The following UNC13C variants were observed in gnomAD, a reference collection of about 807,000 sequenced individuals.
UNC13C encodes unc-13 homolog C.
In UNC13C, 174 loss-of-function variants were observed where a neutral mutation model predicts 245.4. The observed-to-expected ratio is 0.71, with a 90% CI of 0.63 to 0.80. The LOEUF is 0.80. UNC13C is among the 30% of genes least tolerant of loss of function. The pLI, the probability that UNC13C is intolerant of heterozygous loss-of-function variation, is 0.00. For synonymous variants in UNC13C, 992 were observed against 895.1 expected, an observed-to-expected ratio of 1.11 and a Z score of -1.93; for missense variants, 2,829 against 2,602.9, an observed-to-expected ratio of 1.09 and a Z score of -1.89.
At chr15:54,481,553 A>G (rs567678108) in intron 19 of UNC13C, among the ~76,000 whole-genome samples, 1 of 152,220 alleles carries the variant, frequency 6.6e-6, no homozygotes, top group South Asian at 2.1e-4. Context: ...ACATGCAAGT[A>G]CTGGTTGCAG....
the UNC13C span, among the ~76,000 whole-genome samples, chr15:53,886,378 G>T: frequency 6.6e-6 from 1 of 152,214 alleles, no homozygotes; most frequent in East Asian, 1.9e-4. Flanking sequence ...ATATGTCAAA[G>T]GGTCACAGGA....
the UNC13C span, among the ~76,000 whole-genome samples, chr15:53,935,444 T>C: frequency 1.3e-5 from 2 of 152,178 alleles, no homozygotes; most frequent in Admixed American, 6.5e-5. Flanking sequence ...CAAAGAAATG[T>C]ATAGAATAAA....
intron 17 of UNC13C, among the ~76,000 whole-genome samples, chr15:54,348,947 A>T (rs992308258): frequency 1.3e-5 from 2 of 151,898 alleles, no homozygotes; most frequent in African/African-American, 2.4e-5. Context: ...AATCATTGGC[A>T]TTAGTTAGGG....
intron 8 of UNC13C, 56 bp downstream of exon 8, chr15:54,250,500 G>C: frequency 6.7e-7 from 1 of 1,482,282 alleles, no homozygotes; most frequent in Non-Finnish European, 9.1e-7. Flanking sequence ...TATTCCATCT[G>C]TTTCATGTTA....
intron 28 of UNC13C, among the ~76,000 whole-genome samples, chr15:54,551,216 T>A (rs1896722647): frequency 1.3e-5 from 2 of 152,228 alleles, no homozygotes; most frequent in South Asian, 4.1e-4. Context: ...GACCTTCATT[T>A]CTGTGTGTAA....
At chr15:53,873,330 G>C in the UNC13C span, among the ~76,000 whole-genome samples, 5 of 152,038 alleles carry the variant, frequency 3.3e-5, no homozygotes, top group Admixed American at 3.3e-4. Context: ...TTCTCATCCT[G>C]TCTCATTCCC....
chr15:54,208,341 T>C (rs1038275125), intron 4 of UNC13C, among the ~76,000 whole-genome samples: 2 of 152,110 alleles, frequency 1.3e-5, no homozygotes, highest in African/African-American at 4.8e-5. Context: ...AGGGGTCCAA[T>C]AGCCAAACCA....
chr15:54,237,444 A>C (rs566970936), intron 6 of UNC13C, 175 bp from the exon 7 acceptor site: 22 of 700,310 alleles, frequency 3.1e-5, no homozygotes, highest in Non-Finnish European at 1.8e-5. Context: ...TTCCAGTTTT[A>C]ATATTGTATA....
intron 19 of UNC13C, among the ~76,000 whole-genome samples, chr15:54,458,940 G>A (rs915393869): frequency 9.9e-5 from 15 of 151,734 alleles, no homozygotes; most frequent in Non-Finnish European, 1.9e-4. Flanking sequence ...ATTCTTCATA[G>A]CAGTTGTTGA....
the UNC13C span, among the ~76,000 whole-genome samples, chr15:53,862,418 C>A: frequency 6.6e-6 from 1 of 152,036 alleles, no homozygotes. Flanking sequence ...CAATCTATAT[C>A]TAATCTTTAA....
At chr15:54,499,865 G>A (rs74357353) in intron 20 of UNC13C, among the ~76,000 whole-genome samples, 4,361 of 152,154 alleles carry the variant, frequency 0.029, 176 homozygotes, top group Admixed American at 0.12. Flanking sequence ...GGCAGCATGC[G>A]AAGAACCAAG....
intron 19 of UNC13C, among the ~76,000 whole-genome samples, chr15:54,453,170 A>G (rs889180918): frequency 2.0e-5 from 3 of 152,176 alleles, no homozygotes; most frequent in African/African-American, 4.8e-5. Context: ...CGTGCCCACA[A>G]GTGTCAAGAA....
At chr15:54,230,974 T>G (rs2035534815) in intron 4 of UNC13C, among the ~76,000 whole-genome samples, 1 of 152,124 alleles carries the variant, frequency 6.6e-6, no homozygotes, top group Non-Finnish European at 1.5e-5. Context: ...TGTCATTTTA[T>G]GCAGCCATTG....
rs1240585144 is a variant in UNC13C, at chr15:54,015,212, A to G, written c.2309A>G (p.Asp770Gly). 3.1e-6 allele frequency: 5 copies of G among 1,613,254 alleles called. No homozygotes were observed. The highest frequency in any genetic ancestry group is 4.2e-6 in the Non-Finnish European group (5 of 1,179,644). Residue 770 changes from aspartate (D) to glycine (G), a missense_variant, in exon 2 of 33, where the codon GAT becomes GGT. By Grantham distance (94) the Asp-to-Gly change is moderately conservative. Coordinates refer to ENST00000260323, the MANE Select transcript of UNC13C (RefSeq NM_001080534.3). The stretch of plus-strand genomic sequence containing the variant: ...AGTCAAAGTGAATTGCAAAGTGATG[A>G]TTCAGAGGATGCCCCACCCAAATCA... ...YRSQSELQSD[D>G]SEDAPPKSWH...
intron 22 of UNC13C, among the ~76,000 whole-genome samples, 170 bp downstream of exon 22, chr15:54,501,148 G>A (rs576706203): frequency 6.6e-6 from 1 of 152,120 alleles, no homozygotes; most frequent in East Asian, 1.9e-4. Context: ...TACACTTCCT[G>A]TTTCTTTAAT....
intron 17 of UNC13C, among the ~76,000 whole-genome samples, chr15:54,381,771 C>A (rs2039729641): frequency 6.6e-6 from 1 of 151,848 alleles, no homozygotes; most frequent in South Asian, 2.1e-4. Context: ...CTAAAAATAT[C>A]TTTTAAAAAG....
chr15:54,121,175 G>A (rs1395149460), intron 2 of UNC13C, among the ~76,000 whole-genome samples: 10 of 152,132 alleles, frequency 6.6e-5, no homozygotes, highest in Non-Finnish European at 1.5e-4. Context: ...GTCAATGAAT[G>A]TGCCAAGCTT....
intron 4 of UNC13C, among the ~76,000 whole-genome samples, chr15:54,185,732 T>C (rs1285188322): frequency 6.6e-6 from 1 of 150,450 alleles, no homozygotes; most frequent in South Asian, 2.1e-4. Context: ...TCTTTTGGCT[T>C]AGGATTGACT....
intron 28 of UNC13C, 48 bp downstream of exon 28, chr15:54,549,739 C>T: frequency 7.9e-7 from 1 of 1,273,272 alleles, no homozygotes; most frequent in Non-Finnish European, 1.1e-6. Flanking sequence ...AGTGAGTTAA[C>T]TACAGTTCTG....
Sources: gnomAD v4.1 joint callset for allele counts (sites outside exome capture counted in the v4.1 genomes callset) on GRCh38, gnomAD v4.1.1 for gene constraint, MANE v1.5 for transcripts, NCBI Gene and HGNC (gene_info 2026-07-23, HGNC 2026-07-21) for gene names.